Variants in PTTG1IP observed in about 807,000 individuals in gnomAD.
PTTG1IP encodes the protein PTTG1 interacting protein, also known as pituitary tumor-transforming gene 1 protein-interacting protein.
Under a neutral mutation model 24.4 loss-of-function variants are expected in PTTG1IP, and 16 were observed. The observed-to-expected ratio is 0.66, with a 90% CI of 0.44 to 1.00. The LOEUF (loss-of-function observed/expected upper bound fraction) is 1.00, where lower values mean the gene tolerates loss of function less well. Ranked by LOEUF, PTTG1IP falls within the 50% of genes least tolerant of loss-of-function variation. The pLI is 0.00. For missense variants in PTTG1IP, 241 were observed against 245.8 expected, an observed-to-expected ratio of 0.98 and a Z score of 0.13; for synonymous variants, 89 against 96.8, an observed-to-expected ratio of 0.92 and a Z score of 0.47.
intron 5 of PTTG1IP, among the ~76,000 whole-genome samples, chr21:44,854,421 C>G (rs915254399): frequency 1.3e-5 from 2 of 152,204 alleles, no homozygotes; most frequent in African/African-American, 4.8e-5. Flanking sequence ...GGCGAGGAGT[C>G]AGTTCCCACC....
intron 3 of PTTG1IP, among the ~76,000 whole-genome samples, chr21:44,857,600 C>T (rs1450432437): frequency 2.6e-5 from 4 of 152,220 alleles, no homozygotes; most frequent in Admixed American, 6.5e-5. Context: ...AATAGCTGTG[C>T]CACCACCACA....
Position 44,851,498 on chromosome 21 carries a change from A to G in PTTG1IP, c.*83T>C, listed in dbSNP as rs8129000. ...TCACTGGCCAAGGTCAGGAGACCGC[A>G]ATGGCCACGTGGTCTCCCGGCTGGG... On this transcript the variant is annotated 3_prime_UTR_variant, in exon 6 of 6. Transcript: ENST00000330938. 1 of 1,613,724 alleles carries G rather than the reference A, an allele frequency of 6.2e-7. No homozygotes were observed. The highest frequency in any genetic ancestry group is 1.7e-5 in the Admixed American group (1 of 60,024).
At chr21:44,869,450 G>A (rs1168285957) in intron 1 of PTTG1IP, among the ~76,000 whole-genome samples, 2 of 152,154 alleles carry the variant, frequency 1.3e-5, no homozygotes, top group African/African-American at 4.8e-5. Flanking sequence ...AATTATGATT[G>A]TCAATTTACA....
chr21:44,871,335 T>C (rs557354733), intron 1 of PTTG1IP, among the ~76,000 whole-genome samples: 1 of 152,322 alleles, frequency 6.6e-6, no homozygotes, highest in South Asian at 2.1e-4. Context: ...TGGCCACCAC[T>C]GCGCCAGCCC....
intron 1 of PTTG1IP, among the ~76,000 whole-genome samples, chr21:44,868,945 C>G (rs116559761): frequency 0.033 from 5,029 of 152,250 alleles, 293 homozygotes; most frequent in African/African-American, 0.11. Flanking sequence ...TCCAAGAGAT[C>G]AGTTATCTCC....
chr21:44,853,416 A>G (rs192480700), intron 5 of PTTG1IP, among the ~76,000 whole-genome samples: 1,751 of 151,852 alleles, frequency 0.012, 11 homozygotes, highest in Non-Finnish European at 0.017. Context: ...GCTGAGGCAG[A>G]AGAATGGTGT....
chr21:44,863,342 C>T lies in PTTG1IP; in HGVS notation c.168+2053G>A, dbSNP rs1039176425. 5.0e-5 allele frequency among the ~76,000 whole-genome samples: 4 copies of T among 79,740 alleles called. 1 individual carries two copies. Among genetic ancestry groups the T allele is most frequent in the South Asian group, 4.2e-4 (1 of 2,378 alleles). The allele number at this position is 79,740 out of a possible 152,430, so 52.3% of individuals were successfully genotyped here. A position where few individuals can be genotyped will look rare whatever the true frequency, so the allele number is the denominator to read the frequency against. ...GCCCACCATAGCCACTGCTCCAACA[C>T]GCAGGTCCTCTTGAGACCTCCCAGG... On this transcript the variant is annotated intron_variant, in intron 2 of 5. Coordinates refer to ENST00000330938, the MANE Select transcript of PTTG1IP (RefSeq NM_004339.4).
intron 3 of PTTG1IP, among the ~76,000 whole-genome samples, chr21:44,860,411 A>G (rs1052789778): frequency 6.6e-6 from 1 of 151,788 alleles, no homozygotes; most frequent in Admixed American, 6.6e-5. Context: ...ACAAGAGCTG[A>G]TTTCCTTAAT....
At chr21:44,867,908 A>C (rs1166001877) in intron 1 of PTTG1IP, among the ~76,000 whole-genome samples, 2 of 152,196 alleles carry the variant, frequency 1.3e-5, no homozygotes. Flanking sequence ...CCTTCTATTT[A>C]ACAGTGTAGT....
At chr21:44,865,322 G>T in intron 2 of PTTG1IP, 73 bp downstream of exon 2, 1 of 1,476,592 alleles carries the variant, frequency 6.8e-7, no homozygotes, top group Non-Finnish European at 9.5e-7. Context: ...GCGAATCCCT[G>T]GACCTAGAGA....
intron 1 of PTTG1IP, among the ~76,000 whole-genome samples, chr21:44,872,264 C>A (rs1488597798): frequency 6.6e-6 from 1 of 152,246 alleles, no homozygotes; most frequent in East Asian, 1.9e-4. Flanking sequence ...TTCAAGGCAG[C>A]TGCATTGCTA....
At chr21:44,865,492 C>T in intron 1 of PTTG1IP, 45 bp from the exon 2 acceptor site, 1 of 1,601,864 alleles carries the variant, frequency 6.2e-7, no homozygotes, top group Middle Eastern at 1.7e-4. Context: ...GAGAATCAGG[C>T]AGTGTAAATA....
At chr21:44,853,277 G>A (rs185582693) in intron 5 of PTTG1IP, among the ~76,000 whole-genome samples, 145 of 152,308 alleles carry the variant, frequency 9.5e-4, no homozygotes, top group African/African-American at 3.3e-3. Context: ...GGAGGCCGAG[G>A]CGGGCGGATC....
intron 3 of PTTG1IP, among the ~76,000 whole-genome samples, chr21:44,859,550 G>A (rs1381540962): frequency 6.6e-6 from 1 of 152,236 alleles, no homozygotes; most frequent in Non-Finnish European, 1.5e-5. Flanking sequence ...TGCACTTCAT[G>A]AGAAGCTACA....
intron 1 of PTTG1IP, among the ~76,000 whole-genome samples, chr21:44,867,991 G>C (rs1393926929): frequency 6.6e-6 from 1 of 152,168 alleles, no homozygotes; most frequent in African/African-American, 2.4e-5. Flanking sequence ...ATATTCTATA[G>C]CAATTATCAC....
chr21:44,853,577 G>GCCTCC (rs922288822), intron 5 of PTTG1IP, among the ~76,000 whole-genome samples: 10 of 151,882 alleles, frequency 6.6e-5, no homozygotes, highest in African/African-American at 1.7e-4. Flanking sequence ...AAAGCACAAT[G>GCCTCC]CCTCCAGCCA....
chr21:44,864,833 T>G (rs2083522640), intron 2 of PTTG1IP, among the ~76,000 whole-genome samples: 1 of 152,212 alleles, frequency 6.6e-6, no homozygotes, highest in Non-Finnish European at 1.5e-5. Flanking sequence ...CCTCATGCCG[T>G]GGAGGCTTAG....
chr21:44,858,870 C>G (rs1010985746), intron 3 of PTTG1IP, among the ~76,000 whole-genome samples: 1 of 152,170 alleles, frequency 6.6e-6, no homozygotes, highest in African/African-American at 2.4e-5. Flanking sequence ...GACTGGTTAC[C>G]CTAAACATTG....
chr21:44,849,828 G>C lies in PTTG1IP; in HGVS notation c.*1753C>G, dbSNP rs1018064409. The C allele has an allele frequency of 2.0e-5, 3 of 152,246 alleles. No individual in the cohort carries two copies. The highest frequency in any genetic ancestry group is 4.4e-5 in the Non-Finnish European group (3 of 68,046). 9.4% of individuals were successfully genotyped at this position (152,246 alleles called of 1,614,324 possible). A position where few individuals can be genotyped will look rare whatever the true frequency, so the allele number is the denominator to read the frequency against. On this transcript the variant is annotated 3_prime_UTR_variant, in exon 6 of 6. Transcript: ENST00000330938. Reference sequence around the variant, plus strand: ...CTCAGCACCCTACGCTCAGGAAGCGGATTTTGCACACACACTACTGCATTC... The same window carrying C: ...CTCAGCACCCTACGCTCAGGAAGCGCATTTTGCACACACACTACTGCATTC...
Sources: allele counts gnomAD v4.1 joint callset (sites outside exome capture counted in the v4.1 genomes callset), GRCh38; gene constraint gnomAD v4.1.1; transcripts MANE v1.5; gene names NCBI Gene and HGNC (gene_info 2026-07-23, HGNC 2026-07-21).